Variants in NARS2 observed in about 807,000 individuals in gnomAD.
The protein encoded by NARS2 is asparaginyl-tRNA synthetase 2, mitochondrial.
NARS2 carries 60 observed loss-of-function variants against 62.9 expected under a neutral mutation model. The ratio of observed to expected loss-of-function variants is 0.95; its 90% CI spans 0.77 to 1.18. The LOEUF (loss-of-function observed/expected upper bound fraction) is 1.18, where lower values mean the gene tolerates loss of function less well. Among genes scored for constraint, NARS2 ranks in the 50% most tolerant of loss-of-function variants. The probability of loss-of-function intolerance (pLI) is 0.00; values close to 1 mark genes in which losing one functional copy is unlikely to be tolerated. For synonymous variants in NARS2, 196 were observed against 200.0 expected, an observed-to-expected ratio of 0.98 and a Z score of 0.17; for missense variants, 619 against 576.4, an observed-to-expected ratio of 1.07 and a Z score of -0.76.
At chr11:78,548,618 T>A (rs1855968603) in intron 5 of NARS2, among the ~76,000 whole-genome samples, 1 of 152,168 alleles carries the variant, frequency 6.6e-6, no homozygotes, top group African/African-American at 2.4e-5. Flanking sequence ...ATTTCACTAA[T>A]CCTTACAACC....
intron 11 of NARS2, among the ~76,000 whole-genome samples, chr11:78,447,339 A>C (rs1206268889): frequency 6.6e-6 from 1 of 152,114 alleles, no homozygotes; most frequent in Non-Finnish European, 1.5e-5. Flanking sequence ...GCTGTTATAA[A>C]AAAGATGAAA....
intron 5 of NARS2, among the ~76,000 whole-genome samples, chr11:78,556,578 T>C (rs1432690181): frequency 6.6e-6 from 1 of 152,236 alleles, no homozygotes; most frequent in East Asian, 1.9e-4. Flanking sequence ...CAATTGCTTT[T>C]TGATTTTTGT....
chr11:78,574,393 G>A lies in NARS2; in HGVS notation c.96C>T (p.Asp32=). 1 of 1,614,192 alleles carries A rather than the reference G, an allele frequency of 6.2e-7. No homozygotes were observed. Among genetic ancestry groups the A allele is most frequent in the South Asian group, 1.1e-5 (1 of 91,086 alleles). Residue 32 remains aspartate (D), a synonymous_variant, in exon 1 of 14, where the codon GAC becomes GAT. Coordinates refer to ENST00000281038, the MANE Select transcript of NARS2 (RefSeq NM_024678.6). ...HKPSAKLSVR[D]ALGAQNASGE... ...CACTCGCGTTCTGAGCCCCGAGAGC[G>A]TCCCGCACGCTCAGTTTGGCTGAAG...
Position 78,568,628 on chromosome 11 carries a change from A to C in NARS2, c.372+4T>G. ...AGCCTCCACAAAAGTGTCAGAAATC[A>C]TACCTTGGCATCACAATTTCCAATA... is the stretch of plus-strand genomic sequence containing the variant. On this transcript the variant is annotated splice_donor_region_variant and intron_variant, in intron 3 of 13. Coordinates refer to ENST00000281038, the MANE Select transcript of NARS2 (RefSeq NM_024678.6). 1 of 1,611,538 alleles carries C rather than the reference A, an allele frequency of 6.2e-7. No individual in the cohort carries two copies. Among genetic ancestry groups the C allele is most frequent in the East Asian group, 2.2e-5 (1 of 44,820 alleles).
intron 5 of NARS2, among the ~76,000 whole-genome samples, chr11:78,537,812 A>G (rs1003927306): frequency 2.6e-5 from 4 of 152,224 alleles, no homozygotes; most frequent in Non-Finnish European, 5.9e-5. Flanking sequence ...ACGTACGTAC[A>G]TACATACATA....
At chr11:78,472,357 A>G (rs1311157216) in intron 9 of NARS2, among the ~76,000 whole-genome samples, 1 of 152,220 alleles carries the variant, frequency 6.6e-6, no homozygotes, top group Non-Finnish European at 1.5e-5. Flanking sequence ...TGCTGAATAA[A>G]GAAAATTCAT....
chr11:78,566,358 C>T (rs1856744458), intron 3 of NARS2, 86 bp from the exon 4 acceptor site: 1 of 1,082,900 alleles, frequency 9.2e-7, no homozygotes, highest in Non-Finnish European at 1.3e-6. Flanking sequence ...TTAAATAGCG[C>T]TTTGGAACCA....
intron 10 of NARS2, among the ~76,000 whole-genome samples, chr11:78,468,904 T>C (rs549570180): frequency 6.6e-6 from 1 of 151,894 alleles, no homozygotes; most frequent in South Asian, 2.1e-4. Flanking sequence ...AGTGCTGGAA[T>C]TATAGGCGTG....
At chr11:78,455,049 A>G (rs1858108105) in intron 11 of NARS2, among the ~76,000 whole-genome samples, 1 of 152,214 alleles carries the variant, frequency 6.6e-6, no homozygotes. Flanking sequence ...TGTTGAGATT[A>G]TAAGCAAAAG....
chr11:78,489,657 T>A (rs1859733174), intron 7 of NARS2, among the ~76,000 whole-genome samples: 1 of 152,172 alleles, frequency 6.6e-6, no homozygotes, highest in African/African-American at 2.4e-5. Context: ...TACCAAAAGA[T>A]AACTCCACTT....
chr11:78,525,453 A>T (rs1363930781), intron 6 of NARS2, among the ~76,000 whole-genome samples: 1 of 152,206 alleles, frequency 6.6e-6, no homozygotes, highest in African/African-American at 2.4e-5. Context: ...CGTAAGAATC[A>T]ATCTGAATGA....
chr11:78,520,750 T>A (rs551046190), intron 6 of NARS2, among the ~76,000 whole-genome samples: 6 of 152,066 alleles, frequency 3.9e-5, no homozygotes, highest in South Asian at 2.1e-4. Flanking sequence ...TTATGTTAAG[T>A]AAGAGTAAAA....
chr11:78,518,001 A>T (rs1860975457), intron 6 of NARS2, among the ~76,000 whole-genome samples: 1 of 152,228 alleles, frequency 6.6e-6, no homozygotes. Flanking sequence ...AAGTAAAAGG[A>T]ATTATTAACA....
intron 13 of NARS2, among the ~76,000 whole-genome samples, chr11:78,439,571 G>C (rs1020672544): frequency 1.3e-5 from 2 of 152,108 alleles, no homozygotes; most frequent in East Asian, 3.9e-4. Flanking sequence ...GAAGGAGATA[G>C]TATCATTCCA....
intron 4 of NARS2, among the ~76,000 whole-genome samples, chr11:78,559,980 C>T (rs1445506560): frequency 6.6e-6 from 1 of 152,176 alleles, no homozygotes; most frequent in African/African-American, 2.4e-5. Context: ...ATATTCTCTT[C>T]CCATTTCTCT....
intron 4 of NARS2, among the ~76,000 whole-genome samples, chr11:78,564,346 C>T (rs749621969): frequency 1.3e-5 from 2 of 152,102 alleles, no homozygotes; most frequent in Non-Finnish European, 2.9e-5. Context: ...TAGGCACATG[C>T]CACCATGCCT....
intron 5 of NARS2, among the ~76,000 whole-genome samples, chr11:78,553,017 C>CT (rs987917819): frequency 1.3e-5 from 2 of 152,188 alleles, no homozygotes; most frequent in Non-Finnish European, 2.9e-5. Context: ...GCTTTTAGCT[C>CT]TTTCAGAAAT....
intron 6 of NARS2, among the ~76,000 whole-genome samples, chr11:78,527,374 A>G (rs2135424400): frequency 6.6e-6 from 1 of 152,328 alleles, no homozygotes; most frequent in Middle Eastern, 3.4e-3. Context: ...AGAACATTCC[A>G]TGACAGGCTT....
chr11:78,463,351 T>C (rs923190838), intron 11 of NARS2, among the ~76,000 whole-genome samples: 2 of 152,214 alleles, frequency 1.3e-5, no homozygotes, highest in Non-Finnish European at 2.9e-5. Flanking sequence ...TGAGCCACTA[T>C]ACCTGGCCAT....
Sources: allele counts gnomAD v4.1 joint callset (sites outside exome capture counted in the v4.1 genomes callset), GRCh38; gene constraint gnomAD v4.1.1; transcripts MANE v1.5; gene names NCBI Gene and HGNC (gene_info 2026-07-23, HGNC 2026-07-21).